The following CAP2 variants were observed in gnomAD, a reference collection of about 807,000 sequenced individuals.
CAP2 encodes the protein cyclase associated actin cytoskeleton regulatory protein 2, also known as adenylyl cyclase-associated protein 2.
CAP2 carries 24 observed loss-of-function variants against 57.7 expected under a neutral mutation model. The observed-to-expected ratio is 0.42, with a 90% CI of 0.30 to 0.58. The LOEUF is 0.58. Among genes scored for constraint, CAP2 ranks in the 20% least tolerant of loss-of-function variants. CAP2 has a pLI of 0.22. For missense variants in CAP2, 501 were observed against 590.3 expected (o/e 0.85, Z 1.57); for synonymous variants, 194 against 207.2 (o/e 0.94, Z 0.55).
rs1283575533 is a variant in CAP2 at position 17,477,679 on chromosome 6, A to C, written c.300+14606A>C. On this transcript the variant is annotated intron_variant, in intron 4 of 12. Transcript: ENST00000229922. Reference sequence around the variant, plus strand: ...TTCATACTTAACAAGATCATCATTGAAACCTCCCCATAATTATGTCCTGAC... The same window carrying C: ...TTCATACTTAACAAGATCATCATTGCAACCTCCCCATAATTATGTCCTGAC... 3.3e-5 allele frequency among the ~76,000 whole-genome samples: 5 copies of C among 152,180 alleles called. No homozygotes were observed. The East Asian group carries it at 7.7e-4, about 23-fold the overall frequency.
chr6:17,407,856 A>G (rs1168327491), intron 1 of CAP2, among the ~76,000 whole-genome samples: 1 of 152,016 alleles, frequency 6.6e-6, no homozygotes, highest in East Asian at 1.9e-4. Flanking sequence ...TGAAGAAGCA[A>G]AAGGGGGCTG....
chr6:17,398,746 A>G (rs576271345), intron 1 of CAP2, among the ~76,000 whole-genome samples: 60 of 151,964 alleles, frequency 3.9e-4, no homozygotes, highest in Non-Finnish European at 7.4e-4. Context: ...GGATGGTCTC[A>G]ATCTCCTGAC....
chr6:17,547,668 T>C (rs2328131), intron 11 of CAP2, among the ~76,000 whole-genome samples: 136,195 of 151,912 alleles, frequency 0.9, 61,545 homozygotes, highest in East Asian at 0.97. Flanking sequence ...AGTGAAACCC[T>C]GTCTCTACTA....
chr6:17,447,820 G>A (rs1297819103), intron 3 of CAP2, among the ~76,000 whole-genome samples: 4 of 152,156 alleles, frequency 2.6e-5, no homozygotes, highest in Non-Finnish European at 4.4e-5. Flanking sequence ...TGTATCTTTC[G>A]AGGTAATGAA....
At chr6:17,495,095 A>G (rs1761632173) in intron 4 of CAP2, among the ~76,000 whole-genome samples, 1 of 152,190 alleles carries the variant, frequency 6.6e-6, no homozygotes. Flanking sequence ...GTCAGCCTCC[A>G]TAATCACATG....
intron 3 of CAP2, among the ~76,000 whole-genome samples, chr6:17,450,791 A>T (rs1760380968): frequency 6.6e-6 from 1 of 152,180 alleles, no homozygotes; most frequent in African/African-American, 2.4e-5. Context: ...GAGTAAAATC[A>T]TTGAAAAAAA....
Position 17,430,886 on chromosome 6 carries a change from G to A in CAP2, c.222+4196G>A, listed in dbSNP as rs551071158. Among the ~76,000 whole-genome samples the A allele has an allele frequency of 1.5e-4, 23 of 152,250 alleles. No individual in the cohort carries two copies. The South Asian group carries it at 2.9e-3, about 19-fold the overall frequency. On this transcript the variant is annotated intron_variant, in intron 3 of 12. Coordinates refer to ENST00000229922, the MANE Select transcript of CAP2 (RefSeq NM_006366.3). The stretch of plus-strand genomic sequence containing the variant: ...TTATCCTATTGTTAGGATTCATGGC[G>A]GAACTGATCTCAGGTCTATTTCTAA...
At chr6:17,438,595 C>T (rs985784667) in intron 3 of CAP2, among the ~76,000 whole-genome samples, 10 of 145,190 alleles carry the variant, frequency 6.9e-5, no homozygotes, top group African/African-American at 2.3e-4. Context: ...CCCACAACCA[C>T]GTCCAGCTAA....
At chr6:17,537,511 TG>T (rs1196883131) in intron 7 of CAP2, among the ~76,000 whole-genome samples, 1 of 152,134 alleles carries the variant, frequency 6.6e-6, no homozygotes, top group East Asian at 1.9e-4. Context: ...TGTTTTGTTT[TG>T]TTTTGTTTTT....
intron 12 of CAP2, among the ~76,000 whole-genome samples, chr6:17,554,373 T>C (rs1426342870): frequency 1.3e-5 from 2 of 152,208 alleles, no homozygotes; most frequent in Non-Finnish European, 2.9e-5. Context: ...TCCCTGCAAC[T>C]CTGCCAAAAG....
chr6:17,510,333 A>G (rs1762113389), intron 6 of CAP2, among the ~76,000 whole-genome samples: 1 of 152,208 alleles, frequency 6.6e-6, no homozygotes, highest in South Asian at 2.1e-4. Context: ...ATTTCAATAA[A>G]GCTGTTTTAT....
At chr6:17,511,996 T>G (rs1762166510) in intron 6 of CAP2, among the ~76,000 whole-genome samples, 1 of 151,960 alleles carries the variant, frequency 6.6e-6, no homozygotes, top group Non-Finnish European at 1.5e-5. Flanking sequence ...CAAGTTTTGC[T>G]AGAACGTTCT....
At chr6:17,450,626 C>T (rs934109004) in intron 3 of CAP2, among the ~76,000 whole-genome samples, 2 of 152,052 alleles carry the variant, frequency 1.3e-5, no homozygotes, top group Non-Finnish European at 2.9e-5. Flanking sequence ...AAGAATAAAC[C>T]TCATTTATTA....
rs142622830 is a variant in CAP2 at position 17,424,261 on chromosome 6, G to T, written c.122-2329G>T. Among the ~76,000 whole-genome samples the T allele has an allele frequency of 6.8e-3, 1,040 of 152,128 alleles. 10 individuals are homozygous for T. The highest frequency in any genetic ancestry group is 0.023 in the African/African-American group (972 of 41,496). On this transcript the variant is annotated intron_variant, in intron 2 of 12. Coordinates refer to ENST00000229922, the MANE Select transcript of CAP2 (RefSeq NM_006366.3). ...TAAAAATGAAAAAAATTAGCTGGGC[G>T]TGGTGGCGGGCGCCTGTAGTCCCAG...
At chr6:17,404,151 G>A (rs1758887438) in intron 1 of CAP2, among the ~76,000 whole-genome samples, 1 of 152,150 alleles carries the variant, frequency 6.6e-6, no homozygotes, top group Non-Finnish European at 1.5e-5. Flanking sequence ...TTGTTTTACT[G>A]GATGTCCCTA....
rs568685649 is a variant in CAP2, at chr6:17,508,905, G to A, written c.530+1179G>A. Among the ~76,000 whole-genome samples, 6 of 151,942 alleles carry A rather than the reference G, an allele frequency of 3.9e-5. No individual in the cohort carries two copies. The East Asian group carries it at 7.8e-4, about 20-fold the overall frequency. ...CCCAAGTAGCTGGGACTATAGGTGC[G>A]CACCACCACGCCCAGCTAATTTTTG... On this transcript the variant is annotated intron_variant, in intron 6 of 12. Coordinates refer to ENST00000229922, the MANE Select transcript of CAP2 (RefSeq NM_006366.3).
At chr6:17,477,629 A>G (rs1347295110) in intron 4 of CAP2, among the ~76,000 whole-genome samples, 3 of 152,200 alleles carry the variant, frequency 2.0e-5, no homozygotes, top group African/African-American at 4.8e-5. Flanking sequence ...TTTCCTCCCC[A>G]TATTTAGGGG....
chr6:17,551,233 C>T (rs1763164847), intron 11 of CAP2, among the ~76,000 whole-genome samples: 1 of 152,150 alleles, frequency 6.6e-6, no homozygotes, highest in South Asian at 2.1e-4. Flanking sequence ...GAAAGAGACA[C>T]TGAGGTTTGA....
intron 4 of CAP2, among the ~76,000 whole-genome samples, chr6:17,463,838 A>G (rs1385837138): frequency 6.6e-6 from 1 of 152,174 alleles, no homozygotes; most frequent in Non-Finnish European, 1.5e-5. Flanking sequence ...TAGGTTAAAG[A>G]TATTTAGAGG....
Sources: allele counts gnomAD v4.1 joint callset (sites outside exome capture counted in the v4.1 genomes callset), GRCh38; gene constraint gnomAD v4.1.1; transcripts MANE v1.5; gene names NCBI Gene and HGNC (gene_info 2026-07-23, HGNC 2026-07-21).